COMMD10: variants seen among roughly 807,000 people sequenced by gnomAD.
COMMD10 encodes the protein COMM domain-containing protein 10.
A neutral mutation model predicts 28.9 loss-of-function variants in COMMD10; 33 were observed. The observed-to-expected ratio is 1.14, with a 90% CI of 0.87 to 1.53. The LOEUF is 1.53. Among genes scored for constraint, COMMD10 ranks in the 40% most tolerant of loss-of-function variants. The probability of loss-of-function intolerance (pLI) is 0.00; values close to 1 mark genes in which losing one functional copy is unlikely to be tolerated. For missense variants in COMMD10, 310 were observed against 233.4 expected, an observed-to-expected ratio of 1.33 and a Z score of -2.14; for synonymous variants, 110 against 81.7, an observed-to-expected ratio of 1.35 and a Z score of -1.87.
rs142957029 is a variant in COMMD10, at chr5:116,287,078, G to A, written c.511-4439G>A. On this transcript the variant is annotated intron_variant, in intron 5 of 6. Coordinates refer to ENST00000274458, the MANE Select transcript of COMMD10 (RefSeq NM_016144.4). ...ACATTGTGATAGGTTCTTGGAAATTGCATCTTTAAGCAAAACAATGTACAG... is the reference window on the plus strand; with the variant it reads ...ACATTGTGATAGGTTCTTGGAAATTACATCTTTAAGCAAAACAATGTACAG... 4.3e-3 allele frequency among the ~76,000 whole-genome samples: 658 copies of A among 151,810 alleles called. 7 individuals carry two copies. Among genetic ancestry groups the A allele is most frequent in the Middle Eastern group, 0.01 (3 of 294 alleles).
Position 116,092,756 on chromosome 5 carries a change from A to T in COMMD10, c.399+56A>T, listed in dbSNP as rs148059527. ...TCAATAACATATGGCATAAATTATT[A>T]TACCTGAAGAGTTTTTAAAGTGATA... On this transcript the variant is annotated intron_variant, in intron 4 of 6. Coordinates refer to ENST00000274458, the MANE Select transcript of COMMD10 (RefSeq NM_016144.4). The T allele has an allele frequency of 5.6e-6, 7 of 1,247,792 alleles. No individual in the cohort carries two copies. The East Asian group carries it at 1.6e-4, about 28-fold the overall frequency. 77.3% of individuals were successfully genotyped at this position (1,247,792 alleles called of 1,614,324 possible).
intron 4 of COMMD10, among the ~76,000 whole-genome samples, chr5:116,104,675 A>C (rs1370322480): frequency 6.6e-6 from 1 of 150,654 alleles, no homozygotes; most frequent in African/African-American, 2.4e-5. Context: ...GCTGGAGTGC[A>C]GTGGCACGAT....
chr5:116,177,137 G>T (rs1243490536), intron 5 of COMMD10, among the ~76,000 whole-genome samples: 1 of 152,042 alleles, frequency 6.6e-6, no homozygotes, highest in Non-Finnish European at 1.5e-5. Context: ...GTACTATTGT[G>T]TTGGAAGAGC....
At chr5:116,091,542 T>C (rs1444229007) in intron 3 of COMMD10, among the ~76,000 whole-genome samples, 1 of 152,194 alleles carries the variant, frequency 6.6e-6, no homozygotes, top group Non-Finnish European at 1.5e-5. Context: ...TATGTGCCAC[T>C]AAGCTGCCTT....
At chr5:116,102,949 A>G (rs888212588) in intron 4 of COMMD10, among the ~76,000 whole-genome samples, 2 of 152,102 alleles carry the variant, frequency 1.3e-5, no homozygotes, top group South Asian at 4.1e-4. Flanking sequence ...TAGTTTGCTG[A>G]GAATGATGGT....
At position 116,085,040 on chromosome 5, in the gene COMMD10, G is replaced by T; in HGVS notation, c.-13G>T. On this transcript the variant is annotated 5_prime_UTR_variant, in exon 1 of 7. Transcript: ENST00000274458. Reference sequence around the variant, plus strand: ...CGCAGCTAACAGACGGCGGCAGTGCGAGAAAGCCGAAGATGGCGGTCCCCG... The same window carrying T: ...CGCAGCTAACAGACGGCGGCAGTGCTAGAAAGCCGAAGATGGCGGTCCCCG... 1 of 1,605,954 alleles carries T rather than the reference G, an allele frequency of 6.2e-7. No homozygotes were observed. Among genetic ancestry groups the T allele is most frequent in the African/African-American group, 1.3e-5 (1 of 74,952 alleles).
At chr5:116,204,970 T>C (rs982592065) in intron 5 of COMMD10, among the ~76,000 whole-genome samples, 5 of 152,086 alleles carry the variant, frequency 3.3e-5, no homozygotes, top group African/African-American at 1.2e-4. Flanking sequence ...TGTTTGTTTT[T>C]TGAATTTGGT....
chr5:116,127,317 C>T (rs528905496), intron 4 of COMMD10, among the ~76,000 whole-genome samples: 1 of 152,320 alleles, frequency 6.6e-6, no homozygotes, highest in South Asian at 2.1e-4. Flanking sequence ...AATGCTTTTA[C>T]ACCTTTGGTG....
At chr5:116,241,664 G>T (rs906396543) in intron 5 of COMMD10, among the ~76,000 whole-genome samples, 1 of 151,500 alleles carries the variant, frequency 6.6e-6, no homozygotes. Flanking sequence ...CCAGGCTGGA[G>T]TGCAGTGGCG....
chr5:116,127,990 A>C (rs1368205387), intron 4 of COMMD10, among the ~76,000 whole-genome samples: 1 of 152,146 alleles, frequency 6.6e-6, no homozygotes, highest in Non-Finnish European at 1.5e-5. Context: ...CTGGATAAAA[A>C]TTGTTTTGTG....
intron 5 of COMMD10, among the ~76,000 whole-genome samples, chr5:116,166,552 C>T (rs866604036): frequency 2.6e-5 from 4 of 152,312 alleles, no homozygotes; most frequent in African/African-American, 7.2e-5. Flanking sequence ...GATGGGGTGA[C>T]ACCTCCCAGC....
rs568411585 is a variant in COMMD10, at chr5:116,124,716, A to G, written c.400-9352A>G. ...TGTATGGGAGTCTAAGTCTCTTTGT[A>G]GGTCTATAAGGACTTGCTTTATGAA... On this transcript the variant is annotated intron_variant, in intron 4 of 6. Transcript: ENST00000274458. Among the ~76,000 whole-genome samples, 7 of 152,254 alleles carry G rather than the reference A, an allele frequency of 4.6e-5. No homozygotes were observed. In the South Asian group the frequency reaches 1.5e-3, roughly 32 times the overall value.
intron 5 of COMMD10, among the ~76,000 whole-genome samples, chr5:116,189,038 T>C (rs1188121716): frequency 6.6e-6 from 1 of 152,220 alleles, no homozygotes; most frequent in Admixed American, 6.5e-5. Context: ...ATAAAAAATT[T>C]ATTGATGGCT....
intron 4 of COMMD10, among the ~76,000 whole-genome samples, chr5:116,128,479 A>T (rs974565944): frequency 4.6e-5 from 7 of 152,026 alleles, no homozygotes; most frequent in African/African-American, 1.7e-4. Flanking sequence ...TAATTCATTG[A>T]TATGATGTAC....
intron 4 of COMMD10, among the ~76,000 whole-genome samples, chr5:116,128,649 C>G (rs1036663940): frequency 3.3e-5 from 5 of 151,910 alleles, no homozygotes; most frequent in Admixed American, 6.6e-5. Flanking sequence ...GATTTTTCAT[C>G]TTTGTATAGT....
chr5:116,111,137 T>C (rs1751028940), intron 4 of COMMD10, among the ~76,000 whole-genome samples: 1 of 152,220 alleles, frequency 6.6e-6, no homozygotes, highest in Non-Finnish European at 1.5e-5. Flanking sequence ...TCCATTTTGA[T>C]TTCTTATTAT....
At chr5:116,167,041 A>G (rs746043966) in intron 5 of COMMD10, among the ~76,000 whole-genome samples, 21 of 152,052 alleles carry the variant, frequency 1.4e-4, no homozygotes, top group Non-Finnish European at 2.8e-4. Context: ...ATGGGTTATA[A>G]CAAACTTCTC....
At chr5:116,086,142 A>G (rs1344717197) in intron 1 of COMMD10, among the ~76,000 whole-genome samples, 3 of 152,210 alleles carry the variant, frequency 2.0e-5, no homozygotes, top group Non-Finnish European at 4.4e-5. Context: ...AATGAAGAGG[A>G]TGAAGTAAAG....
chr5:116,099,019 TAA>T (rs1750561006), intron 4 of COMMD10, among the ~76,000 whole-genome samples: 1 of 152,148 alleles, frequency 6.6e-6, no homozygotes, highest in Non-Finnish European at 1.5e-5. Context: ...AAACTTAAAG[TAA>T]ACAACGTGGT....
Sources: allele counts gnomAD v4.1 joint callset (sites outside exome capture counted in the v4.1 genomes callset), GRCh38; gene constraint gnomAD v4.1.1; transcripts MANE v1.5; gene names NCBI Gene and HGNC (gene_info 2026-07-23, HGNC 2026-07-21).